PTPRD: variants seen among roughly 807,000 people sequenced by gnomAD.
PTPRD encodes protein tyrosine phosphatase receptor type D.
PTPRD carries 34 observed loss-of-function variants against 214.5 expected under a neutral mutation model. That is an observed-to-expected ratio of 0.16 (90% CI 0.12 to 0.21). PTPRD has a LOEUF of 0.21. Ranked by LOEUF, PTPRD falls within the 10% of genes least tolerant of loss-of-function variation. The probability of loss-of-function intolerance (pLI) is 1.00; values close to 1 mark genes in which losing one functional copy is unlikely to be tolerated. For missense variants in PTPRD, 2,545 were observed against 2,398.7 expected (o/e 1.06, Z -1.27); for synonymous variants, 1,128 against 845.7 (o/e 1.33, Z -5.79).
Position 9,084,192 on chromosome 9 carries a change from C to T in PTPRD, c.-142-65457G>A, listed in dbSNP as rs537956260. ...GATAGACTGGATAAAGAAAATGTGG[C>T]ACATTTACACCATGGAATACTATGC... On this transcript the variant is annotated intron_variant, in intron 10 of 45. Transcript: ENST00000381196. Among the ~76,000 whole-genome samples, 9 of 152,236 alleles carry T rather than the reference C, an allele frequency of 5.9e-5. No homozygotes were observed. In the South Asian group the frequency reaches 1.4e-3, roughly 25 times the overall value.
chr9:9,366,294 C>A (rs909246670), intron 9 of PTPRD, among the ~76,000 whole-genome samples: 3 of 151,426 alleles, frequency 2.0e-5, no homozygotes, highest in Admixed American at 1.3e-4. Flanking sequence ...TGAGGATTTA[C>A]GAGACGTTTT....
rs560976412 is a variant in PTPRD, at chr9:8,746,035, C to G, written c.-103-12089G>C. ...CTTGAACTCCTGGACTCAAAACAAT[C>G]CTCCCAAACTGGCCTCCCAAGGTGG... On this transcript the variant is annotated intron_variant, in intron 11 of 45. Transcript: ENST00000381196. 3.3e-5 allele frequency among the ~76,000 whole-genome samples: 5 copies of G among 152,296 alleles called. No individual in the cohort carries two copies. The East Asian group carries it at 9.7e-4, about 29-fold the overall frequency.
chr9:8,821,445 C>G (rs922834108), intron 11 of PTPRD, among the ~76,000 whole-genome samples: 2 of 152,194 alleles, frequency 1.3e-5, no homozygotes, highest in Admixed American at 1.3e-4. Flanking sequence ...GTAACTTCTA[C>G]TGCGGTTTGT....
chr9:10,346,739 G>A (rs555464162), intron 2 of PTPRD, among the ~76,000 whole-genome samples: 3 of 152,194 alleles, frequency 2.0e-5, no homozygotes, highest in South Asian at 2.1e-4. Flanking sequence ...TTGTTTTCCT[G>A]TACTTGTGTT....
intron 9 of PTPRD, among the ~76,000 whole-genome samples, chr9:9,227,921 C>T (rs1433115432): frequency 6.6e-6 from 1 of 152,012 alleles, no homozygotes; most frequent in Non-Finnish European, 1.5e-5. Flanking sequence ...ATTCCTGGCC[C>T]ACAGAAATGA....
intron 11 of PTPRD, among the ~76,000 whole-genome samples, chr9:8,832,862 AC>A (rs1310499780): frequency 3.3e-5 from 5 of 151,930 alleles, no homozygotes; most frequent in Admixed American, 6.6e-5. Context: ...ATAAACGCAT[AC>A]CCCCAAAGAA....
intron 10 of PTPRD, among the ~76,000 whole-genome samples, chr9:9,094,100 T>C (rs1438824024): frequency 6.6e-6 from 1 of 152,128 alleles, no homozygotes; most frequent in East Asian, 1.9e-4. Flanking sequence ...AAAGTACCAA[T>C]GCTCACTCAA....
intron 2 of PTPRD, among the ~76,000 whole-genome samples, chr9:10,344,806 C>T (rs747992733): frequency 3.3e-5 from 5 of 152,052 alleles, no homozygotes; most frequent in East Asian, 1.9e-4. Flanking sequence ...TGGGAGTTCA[C>T]GCATGATTTG....
At chr9:10,014,276 G>A (rs1240021376) in intron 4 of PTPRD, among the ~76,000 whole-genome samples, 5 of 151,994 alleles carry the variant, frequency 3.3e-5, no homozygotes, top group African/African-American at 9.7e-5. Context: ...GTGAGGCTAA[G>A]TAATTTGAGC....
At chr9:8,560,709 A>T (rs1039879114) in intron 14 of PTPRD, among the ~76,000 whole-genome samples, 5 of 152,164 alleles carry the variant, frequency 3.3e-5, no homozygotes, top group African/African-American at 1.2e-4. Flanking sequence ...ACTTTAAGGT[A>T]AACAGTGGTT....
intron 8 of PTPRD, among the ~76,000 whole-genome samples, chr9:9,528,945 T>G (rs1344091249): frequency 1.3e-5 from 2 of 150,490 alleles, no homozygotes; most frequent in Non-Finnish European, 3.0e-5. Flanking sequence ...TTTCTTTTTT[T>G]TTTTTTTTTT....
chr9:10,169,473 C>CAAAAAAAAAAAAA (rs59335943), intron 3 of PTPRD, among the ~76,000 whole-genome samples: 40 of 66,842 alleles, frequency 6.0e-4, no homozygotes, highest in African/African-American at 2.5e-3. Flanking sequence ...GACTCTGTCT[C>CAAAAAAAAAAAAA]AAAAAAAAAA....
chr9:10,047,327 TGTGTGTGTGTGC>T (rs1424255665), intron 3 of PTPRD, among the ~76,000 whole-genome samples: 49 of 150,838 alleles, frequency 3.2e-4, no homozygotes, highest in Admixed American at 8.0e-4. Flanking sequence ...TGTGTGTGTG[TGTGTGTGTGTGC>T]GTGTGTGTGT....
intron 9 of PTPRD, among the ~76,000 whole-genome samples, chr9:9,367,933 T>C (rs1341205005): frequency 6.6e-6 from 1 of 151,630 alleles, no homozygotes; most frequent in Non-Finnish European, 1.5e-5. Context: ...CTAGCACACA[T>C]GAGTGCCCAA....
At chr9:8,809,836 A>G (rs1308275804) in intron 11 of PTPRD, among the ~76,000 whole-genome samples, 2 of 152,192 alleles carry the variant, frequency 1.3e-5, no homozygotes, top group Non-Finnish European at 2.9e-5. Flanking sequence ...TTAAAACAAT[A>G]ATTGTAAGCC....
intron 11 of PTPRD, among the ~76,000 whole-genome samples, chr9:8,807,438 C>T (rs566509502): frequency 6.6e-6 from 1 of 152,286 alleles, no homozygotes; most frequent in African/African-American, 2.4e-5. Context: ...CAAACCACTG[C>T]ACCTACCTAC....
chr9:10,476,007 C>T (rs963173306), intron 2 of PTPRD, among the ~76,000 whole-genome samples: 1 of 152,028 alleles, frequency 6.6e-6, no homozygotes, highest in Non-Finnish European at 1.5e-5. Context: ...CTATTTATAA[C>T]AAGCCCATAG....
rs1449997515 is a variant in PTPRD at position 8,319,993 on chromosome 9, C to A, written c.5535-27G>T. 3.1e-6 allele frequency: 5 copies of A among 1,608,114 alleles called. No homozygotes were observed. In the South Asian group the frequency reaches 5.5e-5, roughly 18 times the overall value. ...TGCCACAATAACAAAGGCGATGTTACTGGGTGAGATGTTCACAGTCTTGGC... is the reference window on the plus strand; with the variant it reads ...TGCCACAATAACAAAGGCGATGTTAATGGGTGAGATGTTCACAGTCTTGGC... On this transcript the variant is annotated intron_variant, in intron 44 of 45. Coordinates refer to ENST00000381196, the MANE Select transcript of PTPRD (RefSeq NM_002839.4).
At chr9:9,151,924 T>C (rs909589092) in intron 10 of PTPRD, among the ~76,000 whole-genome samples, 1 of 152,258 alleles carries the variant, frequency 6.6e-6, no homozygotes, top group Non-Finnish European at 1.5e-5. Context: ...CATTGTTTTC[T>C]GACCTACCTG....
Sources: gnomAD v4.1 joint callset for allele counts (sites outside exome capture counted in the v4.1 genomes callset) on GRCh38, gnomAD v4.1.1 for gene constraint, MANE v1.5 for transcripts, NCBI Gene and HGNC (gene_info 2026-07-23, HGNC 2026-07-21) for gene names.